CABLES1: variants seen among roughly 807,000 people sequenced by gnomAD.
CABLES1 encodes Cdk5 and Abl enzyme substrate 1.
A neutral mutation model predicts 57.8 loss-of-function variants in CABLES1; 36 were observed. That is an observed-to-expected ratio of 0.62 (90% confidence interval 0.48 to 0.82). CABLES1 has a LOEUF of 0.82. Ranked by LOEUF, CABLES1 falls within the 40% of genes least tolerant of loss-of-function variation. The pLI is 0.00. For missense variants in CABLES1, 767 were observed against 836.6 expected, an observed-to-expected ratio of 0.92 and a Z score of 1.03; for synonymous variants, 374 against 363.0, an observed-to-expected ratio of 1.03 and a Z score of -0.35.
intron 1 of CABLES1, among the ~76,000 whole-genome samples, chr18:23,157,288 T>C (rs368034004): frequency 6.6e-6 from 1 of 152,146 alleles, no homozygotes; most frequent in Non-Finnish European, 1.5e-5. Context: ...TCTGCAAATA[T>C]AGAACCTGGG....
At chr18:23,222,532 G>GTC (rs1269510774) in intron 4 of CABLES1, among the ~76,000 whole-genome samples, 1 of 133,522 alleles carries the variant, frequency 7.5e-6, no homozygotes, top group East Asian at 2.5e-4. Flanking sequence ...CTCTCTCTCT[G>GTC]TCTCTCTCTC....
rs529777606 is a variant in CABLES1 at position 23,166,162 on chromosome 18, C to G, written c.846-22676C>G. Among the ~76,000 whole-genome samples, 24 of 151,964 alleles carry G rather than the reference C, an allele frequency of 1.6e-4. No individual in the cohort carries two copies. In the South Asian group the frequency reaches 4.6e-3, roughly 29 times the overall value. Reference sequence around the variant, plus strand: ...CTAACCAGAATACCATAACAGTATACATATATATGTATTTATATCTCTATG... The same window carrying G: ...CTAACCAGAATACCATAACAGTATAGATATATATGTATTTATATCTCTATG... On this transcript the variant is annotated intron_variant, in intron 1 of 9. Transcript: ENST00000256925.
intron 1 of CABLES1, among the ~76,000 whole-genome samples, chr18:23,153,382 G>A (rs1330120272): frequency 6.6e-6 from 1 of 151,952 alleles, no homozygotes; most frequent in Admixed American, 6.6e-5. Flanking sequence ...ACAGGCATGT[G>A]CCACTATGAC....
At chr18:23,136,779 G>A (rs1245692493) in intron 1 of CABLES1, among the ~76,000 whole-genome samples, 172 bp downstream of exon 1, 2 of 152,254 alleles carry the variant, frequency 1.3e-5, no homozygotes, top group Non-Finnish European at 2.9e-5. Flanking sequence ...AAGAGGGGGC[G>A]TCCCCAGGGA....
intron 7 of CABLES1, among the ~76,000 whole-genome samples, chr18:23,240,316 TAA>T (rs2047703774): frequency 6.6e-6 from 1 of 152,112 alleles, no homozygotes; most frequent in South Asian, 2.1e-4. Context: ...TGGTTTTGCA[TAA>T]AATAGATTTT....
At chr18:23,180,023 A>G (rs1489722150) in intron 1 of CABLES1, among the ~76,000 whole-genome samples, 4 of 152,100 alleles carry the variant, frequency 2.6e-5, no homozygotes, top group African/African-American at 7.2e-5. Flanking sequence ...GGTTCAGGCC[A>G]TTCTCCTGCC....
At chr18:23,251,354 G>C (rs2048032186) in intron 7 of CABLES1, among the ~76,000 whole-genome samples, 1 of 152,200 alleles carries the variant, frequency 6.6e-6, no homozygotes, top group Non-Finnish European at 1.5e-5. Flanking sequence ...GGAAGGCTGA[G>C]GCAGGAGAAT....
rs146911582 is a variant in CABLES1 at position 23,150,701 on chromosome 18, T to C, written c.845+14094T>C. On this transcript the variant is annotated intron_variant, in intron 1 of 9. Coordinates refer to ENST00000256925, the MANE Select transcript of CABLES1 (RefSeq NM_001100619.3). ...TATAAGTAGACTAAACTCTGGAGGGTTCGGTGAAGGGTCGTGGGAGTCTGT... is the reference window on the plus strand; with the variant it reads ...TATAAGTAGACTAAACTCTGGAGGGCTCGGTGAAGGGTCGTGGGAGTCTGT... Among the ~76,000 whole-genome samples the C allele has an allele frequency of 6.4e-3, 964 of 149,564 alleles. 7 individuals carry two copies. Among genetic ancestry groups the C allele is most frequent in the Middle Eastern group, 0.031 (9 of 290 alleles).
chr18:23,190,768 C>A (rs1479332754), intron 2 of CABLES1, among the ~76,000 whole-genome samples: 4 of 152,062 alleles, frequency 2.6e-5, no homozygotes, highest in African/African-American at 9.7e-5. Context: ...CACTAAAGGA[C>A]CTTTTTTTGA....
At chr18:23,228,746 TAAAAAAAAAAA>T (rs572362933) in intron 4 of CABLES1, among the ~76,000 whole-genome samples, 1 of 125,732 alleles carries the variant, frequency 8.0e-6, no homozygotes, top group South Asian at 2.6e-4. Context: ...AGCCTTTGTT[TAAAAAAAAAAA>T]AAAAAAAAGT....
At chr18:23,174,121 G>A (rs1476851286) in intron 1 of CABLES1, among the ~76,000 whole-genome samples, 2 of 151,950 alleles carry the variant, frequency 1.3e-5, no homozygotes, top group Admixed American at 1.3e-4. Context: ...TCCCCCTCTC[G>A]GATCCCAGCT....
intron 6 of CABLES1, among the ~76,000 whole-genome samples, 177 bp downstream of exon 6, chr18:23,236,228 C>T (rs1366842767): frequency 6.6e-6 from 1 of 152,186 alleles, no homozygotes; most frequent in Non-Finnish European, 1.5e-5. Context: ...CAGGTGATTT[C>T]TCTCTAATCA....
At chr18:23,143,851 G>A (rs1435530775) in intron 1 of CABLES1, among the ~76,000 whole-genome samples, 3 of 152,062 alleles carry the variant, frequency 2.0e-5, no homozygotes, top group East Asian at 1.9e-4. Flanking sequence ...CTGTCAGAGG[G>A]ACCCTTCTGA....
chr18:23,176,432 G>A (rs2047123584), intron 1 of CABLES1, among the ~76,000 whole-genome samples: 1 of 152,150 alleles, frequency 6.6e-6, no homozygotes, highest in Non-Finnish European at 1.5e-5. Context: ...GCCTGCTACT[G>A]TGTGGCCCCC....
rs1855095255 is a variant in CABLES1, at chr18:23,135,842, G to C, written c.80G>C (p.Gly27Ala). The change falls in exon 1 of 10, where the codon GGA (glycine) becomes GCA (alanine). Residue 27 changes from glycine (G) to alanine (A), a missense_variant. Coordinates refer to ENST00000256925, the MANE Select transcript of CABLES1 (RefSeq NM_001100619.3). ...GGCACCGACGCCGCGGGCGCCAGCG[G>C]ATTGCAGCAGCCGCCGCCGCAGCCC... The part of the protein sequence containing the change: ...SAGTDAAGAS[G>A]LQQPPPQPQP... The C allele has an allele frequency of 1.0e-6, 1 of 989,226 alleles. No homozygotes were observed. The highest frequency in any genetic ancestry group is 1.8e-5 in the African/African-American group (1 of 56,666). The allele number at this position is 989,226 out of a possible 1,614,324, so 61.3% of individuals were successfully genotyped here.
intron 4 of CABLES1, among the ~76,000 whole-genome samples, chr18:23,231,576 C>T (rs975733871): frequency 5.3e-5 from 8 of 152,138 alleles, no homozygotes; most frequent in African/African-American, 1.7e-4. Context: ...CAGTGAGTCA[C>T]GTTATTTCTC....
intron 3 of CABLES1, chr18:23,198,047 C>T (rs145212672): frequency 1.3e-5 from 2 of 152,106 alleles, no homozygotes; most frequent in Non-Finnish European, 2.9e-5. Context: ...CGCTTGAGCT[C>T]AGAAGTTCAA....
chr18:23,193,808 AT>A (rs1446619785), intron 2 of CABLES1, among the ~76,000 whole-genome samples: 2 of 152,204 alleles, frequency 1.3e-5, no homozygotes, highest in Non-Finnish European at 2.9e-5. Flanking sequence ...CAAAATAAAA[AT>A]TTTAAAAAAA....
At chr18:23,216,450 G>T (rs2047442641) in intron 4 of CABLES1, among the ~76,000 whole-genome samples, 1 of 152,186 alleles carries the variant, frequency 6.6e-6, no homozygotes, top group African/African-American at 2.4e-5. Context: ...GTTAACTGTA[G>T]CTCCCAGGAG....
Sources: gnomAD v4.1 joint callset for allele counts (sites outside exome capture counted in the v4.1 genomes callset) on GRCh38, gnomAD v4.1.1 for gene constraint, MANE v1.5 for transcripts, NCBI Gene and HGNC (gene_info 2026-07-23, HGNC 2026-07-21) for gene names.